The following CCDC171 variants were observed in gnomAD, a reference collection of about 807,000 sequenced individuals.
The protein encoded by CCDC171 is coiled-coil domain containing 171.
CCDC171 carries 177 observed loss-of-function variants against 168.2 expected under a neutral mutation model. The observed-to-expected ratio is 1.05, with a 90% CI of 0.93 to 1.19. CCDC171 has a LOEUF of 1.19. Ranked by LOEUF, CCDC171 falls within the 50% of genes most tolerant of loss-of-function variation. The pLI is 0.00. For synonymous variants in CCDC171, 687 were observed against 540.8 expected (o/e 1.27, Z -3.75); for missense variants, 1,991 against 1,539.0 (o/e 1.29, Z -4.91).
In CCDC171 at chr9:15,578,892, T is replaced by G. The variant is rs115940611; in HGVS notation, c.221T>G (p.Val74Gly). 2.5e-6 allele frequency: 4 copies of G among 1,613,706 alleles called. No individual in the cohort carries two copies. The highest frequency in any genetic ancestry group is 2.2e-5 in the East Asian group (1 of 44,846). The change falls in exon 4 of 26, where the codon GTT becomes GGT. Residue 74 changes from valine (V) to glycine (G), a missense_variant. Transcript: ENST00000380701. ...ESQIAKLRSE[V>G]EKGEALRQSL... Reference sequence around the variant, plus strand: ...CAGATTGCCAAGCTACGGTCCGAGGTTGAAAAGGGAGAAGCATTGCGACAA... The same window carrying G: ...CAGATTGCCAAGCTACGGTCCGAGGGTGAAAAGGGAGAAGCATTGCGACAA...
intron 6 of CCDC171, among the ~76,000 whole-genome samples, chr9:15,607,994 C>G (rs1337413504): frequency 6.6e-6 from 1 of 152,190 alleles, no homozygotes; most frequent in Non-Finnish European, 1.5e-5. Context: ...GGGACTGCAT[C>G]TGACGATGGC....
intron 24 of CCDC171, among the ~76,000 whole-genome samples, chr9:15,893,068 G>A (rs1400706590): frequency 6.6e-6 from 1 of 152,058 alleles, no homozygotes; most frequent in Non-Finnish European, 1.5e-5. Flanking sequence ...AAACAGCACG[G>A]TACTTGTATA....
At chr9:16,082,920 C>T in the CCDC171 span, among the ~76,000 whole-genome samples, 2 of 152,204 alleles carry the variant, frequency 1.3e-5, no homozygotes, top group Admixed American at 1.3e-4. Context: ...TCCACTCCAA[C>T]CTTATACTCA....
At chr9:15,677,943 T>G in intron 9 of CCDC171, among the ~76,000 whole-genome samples, 1 of 108,848 alleles carries the variant, frequency 9.2e-6, no homozygotes, top group African/African-American at 3.5e-5. Flanking sequence ...GTGGTCTCAT[T>G]CTGTTACCTA....
chr9:15,605,443 G>T (rs1007224703), intron 6 of CCDC171, among the ~76,000 whole-genome samples: 1 of 150,760 alleles, frequency 6.6e-6, no homozygotes. Flanking sequence ...ACTTTGGGAG[G>T]CTGAGGCGGG....
intron 11 of CCDC171, among the ~76,000 whole-genome samples, chr9:15,706,000 T>C (rs565585670): frequency 1.3e-5 from 2 of 152,336 alleles, no homozygotes; most frequent in African/African-American, 4.8e-5. Flanking sequence ...ACCAGAAAGA[T>C]TGACCTCCAG....
At chr9:15,918,138 C>A (rs1055368637) in intron 24 of CCDC171, among the ~76,000 whole-genome samples, 1 of 151,472 alleles carries the variant, frequency 6.6e-6, no homozygotes, top group African/African-American at 2.4e-5. Flanking sequence ...GTTATTTAAT[C>A]CCTCCAAGCT....
chr9:15,849,419 T>C (rs1239892628), intron 23 of CCDC171, among the ~76,000 whole-genome samples: 1 of 151,436 alleles, frequency 6.6e-6, no homozygotes, highest in Non-Finnish European at 1.5e-5. Flanking sequence ...TGTAAGAATA[T>C]ATTCTTAAAG....
At chr9:15,653,447 T>G (rs1247195889) in intron 7 of CCDC171, among the ~76,000 whole-genome samples, 1 of 151,660 alleles carries the variant, frequency 6.6e-6, no homozygotes, top group African/African-American at 2.4e-5. Context: ...TGGCCTAATT[T>G]TGTTAATTGG....
At chr9:16,073,075 T>A in the CCDC171 span, among the ~76,000 whole-genome samples, 4 of 152,248 alleles carry the variant, frequency 2.6e-5, no homozygotes, top group Non-Finnish European at 5.9e-5. Flanking sequence ...GCACACAATT[T>A]TTAAAAATCT....
chr9:15,927,916 T>C (rs1589150830), intron 25 of CCDC171, among the ~76,000 whole-genome samples: 3 of 151,878 alleles, frequency 2.0e-5, no homozygotes, highest in African/African-American at 7.2e-5. Flanking sequence ...CTTATCTTAG[T>C]TGATTATTGA....
intron 6 of CCDC171, among the ~76,000 whole-genome samples, chr9:15,613,283 A>G (rs2043833141): frequency 6.6e-6 from 1 of 152,130 alleles, no homozygotes; most frequent in Non-Finnish European, 1.5e-5. Flanking sequence ...AACATCATTC[A>G]TAGGTTCTTG....
chr9:15,639,692 T>C (rs922724283), intron 7 of CCDC171, among the ~76,000 whole-genome samples: 5 of 152,170 alleles, frequency 3.3e-5, no homozygotes, highest in African/African-American at 1.2e-4. Context: ...ACTTTAACTT[T>C]GAATTTTCTA....
chr9:15,736,435 C>T (rs2134449274), intron 16 of CCDC171, among the ~76,000 whole-genome samples: 1 of 151,516 alleles, frequency 6.6e-6, no homozygotes, highest in African/African-American at 2.4e-5. Flanking sequence ...ACTGCAGCCT[C>T]AACCTCCCAG....
chr9:15,563,188 G>T (rs2132541036), intron 1 of CCDC171, among the ~76,000 whole-genome samples: 2 of 145,770 alleles, frequency 1.4e-5, no homozygotes, highest in South Asian at 2.2e-4. Context: ...GGCCAGGCTT[G>T]AGTGCAATGG....
Position 16,044,292 on chromosome 9 carries a change from A to G in CCDC171, n.89+1406A>G, listed in dbSNP as rs576858121. On this transcript the variant is annotated intron_variant and non_coding_transcript_variant, in intron 1 of 1. Coordinates refer to the CCDC171 transcript ENST00000478913. ...TTTTTAACTTGGCAGAATGACCAAA[A>G]GAAAAACAATGTCCCTCCCTAGCCC... 1.4e-3 allele frequency among the ~76,000 whole-genome samples: 214 copies of G among 152,364 alleles called. 2 individuals are homozygous for G. Among genetic ancestry groups the G allele is most frequent in the African/African-American group, 5.0e-3 (208 of 41,584 alleles).
chr9:15,657,371 C>G (rs1474518079), intron 8 of CCDC171, 152 bp downstream of exon 8: 2 of 508,546 alleles, frequency 3.9e-6, no homozygotes, highest in Non-Finnish European at 7.3e-6. Flanking sequence ...GGTTAGGATA[C>G]AGTTGAGATA....
upstream of CCDC171, among the ~76,000 whole-genome samples, chr9:16,041,773 G>A (rs1319117560): frequency 6.6e-6 from 1 of 152,094 alleles, no homozygotes; most frequent in Non-Finnish European, 1.5e-5. Flanking sequence ...CACACCTTCT[G>A]GAACACAAAT....
the CCDC171 span, among the ~76,000 whole-genome samples, chr9:16,103,266 C>T: frequency 6.6e-6 from 1 of 152,300 alleles, no homozygotes; most frequent in South Asian, 2.1e-4. Context: ...TCACAGTCAC[C>T]AGCTGTTTGC....
Sources: allele counts gnomAD v4.1 joint callset (sites outside exome capture counted in the v4.1 genomes callset), GRCh38; gene constraint gnomAD v4.1.1; transcripts MANE v1.5; gene names NCBI Gene and HGNC (gene_info 2026-07-23, HGNC 2026-07-21).